The following PGM5 variants were observed in gnomAD, a reference collection of about 807,000 sequenced individuals.
The protein encoded by PGM5 is phosphoglucomutase-like protein 5.
A neutral mutation model predicts 59.2 loss-of-function variants in PGM5; 23 were observed. The ratio of observed to expected loss-of-function variants is 0.39; its 90% confidence interval spans 0.28 to 0.55. The LOEUF (loss-of-function observed/expected upper bound fraction) is 0.55, where lower values mean the gene tolerates loss of function less well. PGM5 is among the 20% of genes least tolerant of loss of function. PGM5 has a pLI of 0.66. For synonymous variants in PGM5, 214 were observed against 286.0 expected (o/e 0.75, Z 2.54); for missense variants, 574 against 748.3 (o/e 0.77, Z 2.72).
intron 6 of PGM5, among the ~76,000 whole-genome samples, chr9:68,416,808 A>G (rs1823040003): frequency 6.6e-6 from 1 of 152,230 alleles, no homozygotes; most frequent in South Asian, 2.1e-4. Context: ...GCAACCTCAA[A>G]GAGGTGATTC....
chr9:68,394,875 G>A (rs137998039), intron 6 of PGM5, among the ~76,000 whole-genome samples: 2,925 of 152,216 alleles, frequency 0.019, 41 homozygotes, highest in Middle Eastern at 0.061. Flanking sequence ...CCCTGCTTCA[G>A]CCTCCCAAAG....
At chr9:68,395,941 C>T (rs1822488713) in intron 6 of PGM5, 1 of 151,712 alleles carries the variant, frequency 6.6e-6, no homozygotes, top group Non-Finnish European at 1.5e-5. Context: ...TCCCATTTAC[C>T]TTTGCCTACA....
At chr9:68,502,608 G>T (rs967255006) in intron 10 of PGM5, among the ~76,000 whole-genome samples, 6 of 152,162 alleles carry the variant, frequency 3.9e-5, no homozygotes, top group African/African-American at 1.4e-4. Context: ...AGTCACACCC[G>T]ATCTCACCCC....
intron 1 of PGM5, among the ~76,000 whole-genome samples, chr9:68,375,238 T>C (rs143669134): frequency 0.013 from 1,962 of 152,298 alleles, 40 homozygotes; most frequent in African/African-American, 0.046. Flanking sequence ...TTCTGCAATA[T>C]ATACTGATTA....
At chr9:68,418,771 G>A (rs1405675960) in intron 6 of PGM5, among the ~76,000 whole-genome samples, 1 of 152,050 alleles carries the variant, frequency 6.6e-6, no homozygotes, top group African/African-American at 2.4e-5. Context: ...TGTCAAGCCC[G>A]CTTTCTCCTT....
intron 1 of PGM5, among the ~76,000 whole-genome samples, chr9:68,364,528 G>A (rs1834642362): frequency 6.6e-6 from 1 of 152,178 alleles, no homozygotes; most frequent in Non-Finnish European, 1.5e-5. Context: ...TACAGAATAG[G>A]TGAATGGAAT....
intron 6 of PGM5, among the ~76,000 whole-genome samples, chr9:68,411,630 T>A (rs2770850): frequency 6.6e-6 from 1 of 152,092 alleles, no homozygotes; most frequent in Non-Finnish European, 1.5e-5. Context: ...AAACATTTAT[T>A]GAAAACCTTC....
chr9:68,443,204 A>G (rs943435408), intron 6 of PGM5, among the ~76,000 whole-genome samples: 1 of 152,244 alleles, frequency 6.6e-6, no homozygotes, highest in Non-Finnish European at 1.5e-5. Context: ...AAACAGAAGT[A>G]CTGATACACA....
At chr9:68,359,919 C>T (rs1335455007) in intron 1 of PGM5, among the ~76,000 whole-genome samples, 1 of 152,190 alleles carries the variant, frequency 6.6e-6, no homozygotes, top group East Asian at 1.9e-4. Flanking sequence ...TCTTGGCTCA[C>T]TGTAGCCTTG....
intron 10 of PGM5, among the ~76,000 whole-genome samples, chr9:68,501,070 A>C (rs932334826): frequency 3.3e-5 from 5 of 152,032 alleles, no homozygotes; most frequent in African/African-American, 9.7e-5. Context: ...TTTGGTCCCC[A>C]TGACTGCACA....
At chr9:68,508,242 A>T (rs1554689139) in intron 10 of PGM5, among the ~76,000 whole-genome samples, 1 of 152,186 alleles carries the variant, frequency 6.6e-6, no homozygotes, top group African/African-American at 2.4e-5. Flanking sequence ...CGGCATTGCC[A>T]GCTTATCCCG....
rs1823457820 is a variant in PGM5 at position 68,437,458 on chromosome 9, G to A, written c.1044-27635G>A. Among the ~76,000 whole-genome samples, 1 of 152,194 alleles carries A rather than the reference G, an allele frequency of 6.6e-6. No individual in the cohort carries two copies. Among genetic ancestry groups the A allele is most frequent in the African/African-American group, 2.4e-5 (1 of 41,438 alleles). ...TGGTGAATATCTCTTTCAGATTGGT[G>A]TTGTGCTTTACACGATACTGTATTA... On this transcript the variant is annotated intron_variant, in intron 6 of 10. Coordinates refer to ENST00000396396, the MANE Select transcript of PGM5 (RefSeq NM_021965.4). This position sits in a 1 kb window ranked among gnomAD's most constrained non-coding sequence, Gnocchi z 4.1.
chr9:68,497,562 T>C (rs1456472257), intron 9 of PGM5: 1 of 152,188 alleles, frequency 6.6e-6, no homozygotes, highest in Non-Finnish European at 1.5e-5. Flanking sequence ...TCCCAGCAGA[T>C]ATCACCAGAT....
chr9:68,471,970 CAA>C (rs35694675), intron 7 of PGM5, among the ~76,000 whole-genome samples: 222 of 128,348 alleles, frequency 1.7e-3, no homozygotes, highest in Middle Eastern at 4.0e-3. Context: ...GCCTTGGTGA[CAA>C]AAAAAAAAAA....
intron 9 of PGM5, among the ~76,000 whole-genome samples, chr9:68,487,334 A>C (rs781836289): frequency 1.1e-4 from 17 of 152,140 alleles, no homozygotes; most frequent in Non-Finnish European, 2.9e-5. Context: ...GTACAGCGGC[A>C]AGTACCTAAT....
chr9:68,477,971 A>G (rs144147011), intron 7 of PGM5, among the ~76,000 whole-genome samples: 19 of 152,328 alleles, frequency 1.2e-4, no homozygotes, highest in Non-Finnish European at 2.5e-4. Flanking sequence ...TGGGGTCCCC[A>G]TTTTACAAAT....
In PGM5 at chr9:68,462,979, G is replaced by A. The variant is rs117551927; in HGVS notation, c.1044-2114G>A. On this transcript the variant is annotated intron_variant, in intron 6 of 10. Transcript: ENST00000396396. The stretch of plus-strand genomic sequence containing the variant: ...TTTCTTTCATTGTTCCTACCAGAAT[G>A]TAAGCATGATTCTATATCTTTCTTA... Among the ~76,000 whole-genome samples, 892 of 152,232 alleles carry A rather than the reference G, an allele frequency of 5.9e-3. 3 individuals carry two copies. The highest frequency in any genetic ancestry group is 9.9e-3 in the Non-Finnish European group (673 of 68,004).
At chr9:68,479,347 T>G (rs1824153299) in intron 7 of PGM5, 71 bp from the exon 8 acceptor site, 1 of 1,434,272 alleles carries the variant, frequency 7.0e-7, no homozygotes, top group Non-Finnish European at 9.5e-7. Context: ...CTAACTGGTC[T>G]TCTTAATTCA....
At chr9:68,451,553 G>T (rs956324819) in intron 6 of PGM5, among the ~76,000 whole-genome samples, 1 of 152,172 alleles carries the variant, frequency 6.6e-6, no homozygotes, top group Non-Finnish European at 1.5e-5. Context: ...ATGGGATGGG[G>T]CCTCATAAAC....
Sources: gnomAD v4.1 joint callset for allele counts (sites outside exome capture counted in the v4.1 genomes callset) on GRCh38, gnomAD v4.1.1 for gene constraint, Gnocchi (gnomAD v3.1) non-coding constraint, MANE v1.5 for transcripts, NCBI Gene and HGNC (gene_info 2026-07-23, HGNC 2026-07-21) for gene names.